The following RNF6 variants were observed in gnomAD, a reference collection of about 807,000 sequenced individuals.
RNF6 encodes the protein ring finger protein 6.
In RNF6, 21 loss-of-function variants were observed where a neutral mutation model predicts 50.1. The ratio of observed to expected loss-of-function variants is 0.42; its 90% CI spans 0.30 to 0.60. The LOEUF (loss-of-function observed/expected upper bound fraction) is 0.60. RNF6 is among the 20% of genes least tolerant of loss of function. RNF6 has a pLI of 0.20. For synonymous variants in RNF6, 255 were observed against 291.8 expected, an observed-to-expected ratio of 0.87 and a Z score of 1.29; for missense variants, 698 against 838.2, an observed-to-expected ratio of 0.83 and a Z score of 2.07.
intron 5 of RNF6, among the ~76,000 whole-genome samples, chr13:26,153,552 AC>A (rs2137590601): frequency 6.6e-6 from 1 of 152,272 alleles, no homozygotes; most frequent in African/African-American, 2.4e-5. Flanking sequence ...ATAGATTAAT[AC>A]CTTCTAGGTT....
chr13:26,182,406 A>T (rs1453496321), intron 5 of RNF6, among the ~76,000 whole-genome samples: 1 of 152,186 alleles, frequency 6.6e-6, no homozygotes, highest in Non-Finnish European at 1.5e-5. Context: ...GAATCACATC[A>T]GGGGTTATAA....
intron 5 of RNF6, among the ~76,000 whole-genome samples, chr13:26,187,944 G>C (rs902407943): frequency 7.9e-5 from 12 of 152,320 alleles, no homozygotes; most frequent in South Asian, 6.2e-4. Context: ...TGGACACTAG[G>C]TGTCAAAAAA....
At position 26,214,459 on chromosome 13, in the gene RNF6, G is replaced by C; in HGVS notation, c.1423C>G (p.Pro475Ala). ...ATTGACCGAAGAGCCACTGATGATGGCTCAACAAGCTCATTCTCAGAAATC... is the reference window on the plus strand; with the variant it reads ...ATTGACCGAAGAGCCACTGATGATGCCTCAACAAGCTCATTCTCAGAAATC... Reference protein sequence around the residue: ...RRISENELVEPSSVALRSILR... With the variant: ...RRISENELVEASSVALRSILR... The change falls in exon 5 of 5, where the codon CCA becomes GCA. Residue 475 changes from proline (P) to alanine (A), a missense_variant. Coordinates refer to ENST00000381588, the MANE Select transcript of RNF6 (RefSeq NM_005977.4). 6.2e-7 allele frequency: 1 copy of C among 1,614,108 alleles called. No individual in the cohort carries two copies. Among genetic ancestry groups the C allele is most frequent in the South Asian group, 1.1e-5 (1 of 91,082 alleles).
intron 5 of RNF6, among the ~76,000 whole-genome samples, chr13:26,171,142 G>T (rs1872679980): frequency 6.6e-6 from 1 of 152,122 alleles, no homozygotes; most frequent in African/African-American, 2.4e-5. Context: ...GAAAATATTT[G>T]CAAATTATGT....
Position 26,194,607 on chromosome 13 carries a change from TAGTC to T in RNF6, n.768+20863_768+20866del, listed in dbSNP as rs556564024. Among the ~76,000 whole-genome samples, 119 of 152,032 alleles carry T rather than the reference TAGTC, an allele frequency of 7.8e-4. 1 individual carries two copies. Among genetic ancestry groups the T allele is most frequent in the African/African-American group, 2.3e-3 (96 of 41,532 alleles). On this transcript the variant is annotated intron_variant and non_coding_transcript_variant, in intron 5 of 5. Coordinates refer to the RNF6 transcript ENST00000468480. ...ATATTTGAAGATATAATGGCTGTAT[TAGTC>T]AGGGTTCTCTAGAGGGACAGAACTA...
chr13:26,197,344 A>G (rs760961224), intron 5 of RNF6, among the ~76,000 whole-genome samples: 32 of 151,970 alleles, frequency 2.1e-4, no homozygotes, highest in Non-Finnish European at 4.0e-4. Flanking sequence ...TTTGGGATAT[A>G]CATGTATCTC....
chr13:26,192,640 C>A (rs1868508126), intron 5 of RNF6, among the ~76,000 whole-genome samples: 1 of 152,192 alleles, frequency 6.6e-6, no homozygotes, highest in Non-Finnish European at 1.5e-5. Context: ...TTTGATGAAA[C>A]AGGCTGCCAT....
intron 5 of RNF6, among the ~76,000 whole-genome samples, chr13:26,172,546 C>CTT (rs56159536): frequency 6.7e-4 from 96 of 143,604 alleles, no homozygotes; most frequent in African/African-American, 2.4e-3. Context: ...TAGAATATAT[C>CTT]TTTTTTTTTT....
At chr13:26,138,896 C>T (rs1012065448) in intron 5 of RNF6, among the ~76,000 whole-genome samples, 6 of 152,088 alleles carry the variant, frequency 3.9e-5, no homozygotes, top group Non-Finnish European at 8.8e-5. Context: ...TTTAAACCAC[C>T]GTAAATTAAA....
intron 5 of RNF6, among the ~76,000 whole-genome samples, chr13:26,188,643 T>C (rs1374289164): frequency 1.6e-5 from 2 of 126,866 alleles, no homozygotes; most frequent in African/African-American, 3.1e-5. Context: ...TTTTTTTTTT[T>C]TTTTTTTTTT....
chr13:26,149,908 T>C (rs1397362888), intron 5 of RNF6, among the ~76,000 whole-genome samples: 1 of 49,354 alleles, frequency 2.0e-5, no homozygotes, highest in African/African-American at 5.7e-5. Context: ...ACACACAGTG[T>C]ATATATAATG....
intron 5 of RNF6, among the ~76,000 whole-genome samples, chr13:26,152,891 A>C (rs999525998): frequency 2.0e-5 from 3 of 152,136 alleles, no homozygotes; most frequent in African/African-American, 7.2e-5. Context: ...GCGGTGGCTC[A>C]CACCTGTAAT....
intron 5 of RNF6, among the ~76,000 whole-genome samples, chr13:26,148,721 A>ATT (rs1156420894): frequency 9.9e-5 from 14 of 141,204 alleles, no homozygotes; most frequent in Non-Finnish European, 1.8e-4. Context: ...ATAAATATAT[A>ATT]TTTTATATAT....
intron 4 of RNF6, among the ~76,000 whole-genome samples, chr13:26,215,850 C>T (rs1445453393): frequency 6.6e-6 from 1 of 152,204 alleles, no homozygotes; most frequent in East Asian, 1.9e-4. Context: ...AATCCTCATT[C>T]TTACTTTCTA....
chr13:26,171,924 C>T (rs1034692207), intron 5 of RNF6, among the ~76,000 whole-genome samples: 20 of 152,128 alleles, frequency 1.3e-4, no homozygotes, highest in African/African-American at 3.9e-4. Flanking sequence ...AGAAGAGTTA[C>T]TGTTTAATGG....
chr13:26,164,194 C>T (rs1872341415), intron 5 of RNF6, among the ~76,000 whole-genome samples: 1 of 152,128 alleles, frequency 6.6e-6, no homozygotes, highest in African/African-American at 2.4e-5. Flanking sequence ...ATTACAGTCC[C>T]TGAATTTTAA....
Position 26,218,493 on chromosome 13 carries a change from GA to G in RNF6, c.289+17del. The G allele has an allele frequency of 6.3e-7, 1 of 1,590,318 alleles. No homozygotes were observed. Among genetic ancestry groups the G allele is most frequent in the Non-Finnish European group, 8.6e-7 (1 of 1,158,740 alleles). The stretch of plus-strand genomic sequence containing the variant: ...GCTCCAATCAAGCCTGTTCCTTATG[GA>G]AAGGACTCCATAGTACCTCTGTAAT... On this transcript the variant is annotated intron_variant, in intron 4 of 4. Coordinates refer to ENST00000381588, the MANE Select transcript of RNF6 (RefSeq NM_005977.4).
rs190109306 is a variant in RNF6 at position 26,161,708 on chromosome 13, T to G, written n.769-29257A>C. On this transcript the variant is annotated intron_variant and non_coding_transcript_variant, in intron 5 of 5. Transcript: ENST00000468480. ...TATTGGTTCTAACACTTTTTATGTT[T>G]GAGCAGTTTGTGTTTTCTCTGCAAT... 5.6e-3 allele frequency among the ~76,000 whole-genome samples: 857 copies of G among 152,362 alleles called. 3 individuals carry two copies. The highest frequency in any genetic ancestry group is 8.8e-3 in the Non-Finnish European group (600 of 68,034).
At chr13:26,181,005 G>A (rs1873209965) in intron 5 of RNF6, among the ~76,000 whole-genome samples, 1 of 152,200 alleles carries the variant, frequency 6.6e-6, no homozygotes, top group Non-Finnish European at 1.5e-5. Context: ...TTGTAACCCA[G>A]TCTGTTTGTC....
Sources: allele counts gnomAD v4.1 joint callset (sites outside exome capture counted in the v4.1 genomes callset), GRCh38; gene constraint gnomAD v4.1.1; transcripts MANE v1.5; gene names NCBI Gene and HGNC (gene_info 2026-07-23, HGNC 2026-07-21).